DMD: variants seen among roughly 807,000 people sequenced by gnomAD.
The protein encoded by DMD is mutant dystrophin.
A neutral mutation model predicts 330.1 loss-of-function variants in DMD; 63 were observed. The observed-to-expected ratio is 0.19, with a 90% CI of 0.16 to 0.24. The LOEUF (loss-of-function observed/expected upper bound fraction) is 0.24. DMD is among the 10% of genes least tolerant of loss of function. The pLI, the probability that DMD is intolerant of heterozygous loss-of-function variation, is 1.00. For missense variants in DMD, 3,344 were observed against 2,684.1 expected, an observed-to-expected ratio of 1.25 and a Z score of -5.43; for synonymous variants, 1,223 against 959.8, an observed-to-expected ratio of 1.27 and a Z score of -5.07.
At chrX:32,448,869 T>C (rs1480121019) in intron 26 of DMD, among the ~76,000 whole-genome samples, 1 of 110,678 alleles carries the variant, frequency 9.0e-6, no homozygotes, top group Non-Finnish European at 1.9e-5. Context: ...AAGAATAGAC[T>C]GAAAAGTAGT....
At chrX:32,515,094 T>C (rs1218107429) in intron 18 of DMD, among the ~76,000 whole-genome samples, 1 of 111,199 alleles carries the variant, frequency 9.0e-6, no homozygotes, top group African/African-American at 3.3e-5. Context: ...GTAGTGGGGG[T>C]ACAAAAGAGG....
chrX:32,739,481 G>A (rs916592669), intron 7 of DMD, among the ~76,000 whole-genome samples: 3 of 111,977 alleles, frequency 2.7e-5, no homozygotes, highest in Non-Finnish European at 3.8e-5. Flanking sequence ...TTGGAAAGGT[G>A]TATACTACTA....
In DMD at chrX:32,343,295, G is replaced by A. The variant is rs2097753602; in HGVS notation, c.5587-9C>T. ...CTTTGAGACCTCAAATCCTGTTCAT[G>A]GTGCAGACATTATTAAAATATCAAT... On this transcript the variant is annotated splice_polypyrimidine_tract_variant and intron_variant, in intron 39 of 78. Coordinates refer to ENST00000357033, the MANE Select transcript of DMD (RefSeq NM_004006.3). The A allele has an allele frequency of 5.9e-6, 7 of 1,193,328 alleles. No individual in the cohort carries two copies. Among genetic ancestry groups the A allele is most frequent in the Non-Finnish European group, 7.9e-6 (7 of 880,845 alleles).
intron 37 of DMD, among the ~76,000 whole-genome samples, chrX:32,355,860 T>C (rs2097797225): frequency 9.0e-6 from 1 of 110,876 alleles, no homozygotes; most frequent in African/African-American, 3.3e-5. Flanking sequence ...TTCATGTTTT[T>C]ATAGAAAATT....
intron 60 of DMD, among the ~76,000 whole-genome samples, chrX:31,418,184 AG>A (rs1202696711): frequency 9.0e-6 from 1 of 111,368 alleles, no homozygotes; most frequent in Non-Finnish European, 1.9e-5. Context: ...AAGGCTAGGA[AG>A]TCTGATATCA....
intron 2 of DMD, among the ~76,000 whole-genome samples, chrX:32,985,747 A>G (rs2092827518): frequency 8.9e-6 from 1 of 111,923 alleles, no homozygotes; most frequent in Admixed American, 9.5e-5. Context: ...GCAGCTGCCA[A>G]CACCACAGTT....
intron 53 of DMD, among the ~76,000 whole-genome samples, chrX:31,677,015 A>G (rs1049360956): frequency 1.8e-5 from 2 of 111,034 alleles, no homozygotes; most frequent in African/African-American, 6.5e-5. Flanking sequence ...GTCAATCTCT[A>G]TAGATAGTGG....
At chrX:31,210,844 A>C (rs1444929618) in intron 64 of DMD, among the ~76,000 whole-genome samples, 1 of 112,670 alleles carries the variant, frequency 8.9e-6, no homozygotes, top group Non-Finnish European at 1.9e-5. Context: ...AAAAACAAAA[A>C]TAGTGGTTAA....
At position 32,844,865 on chromosome X, in the gene DMD, G is replaced by T; in HGVS notation, c.187-5C>A. 1 of 1,202,642 alleles carries T rather than the reference G, an allele frequency of 8.3e-7. No homozygotes were observed. The highest frequency in any genetic ancestry group is 1.1e-6 in the Non-Finnish European group (1 of 887,521). On this transcript the variant is annotated splice_polypyrimidine_tract_variant and splice_region_variant and intron_variant, in intron 3 of 78. Coordinates refer to ENST00000357033, the MANE Select transcript of DMD (RefSeq NM_004006.3). ...TGTGGATCCTTTTTCTTTTGGCTGA[G>T]AACAAAACAAAAGAGTGTTCACTGA...
rs765093067 is a variant in DMD, at chrX:32,476,049, T to A, written c.2804-3740A>T. 4.5e-5 allele frequency among the ~76,000 whole-genome samples: 5 copies of A among 111,237 alleles called. No individual in the cohort carries two copies. In the South Asian group the frequency reaches 1.9e-3, roughly 42 times the overall value. ...TTAGTTACAATGAAGCAAATGATTG[T>A]GTCTGAGATGTCATTTCAGCAAATG... On this transcript the variant is annotated intron_variant, in intron 21 of 78. Transcript: ENST00000357033.
intron 7 of DMD, among the ~76,000 whole-genome samples, chrX:32,747,446 A>T (rs917468965): frequency 9.1e-6 from 1 of 110,485 alleles, no homozygotes; most frequent in Non-Finnish European, 1.9e-5. Context: ...TGAGAGTGAG[A>T]CCTAGGGATC....
At chrX:31,341,551 G>A (rs745453158) in intron 61 of DMD, among the ~76,000 whole-genome samples, 2 of 111,521 alleles carry the variant, frequency 1.8e-5, no homozygotes, top group South Asian at 3.8e-4. Flanking sequence ...TTTAGGTTAT[G>A]TAAATCAACT....
At position 31,368,950 on chromosome X, in the gene DMD, G is replaced by T. The variant is rs148212691; in HGVS notation, c.9085-20316C>A. ...CATGAGCCACCATGCCCGGCCCGAG[G>T]TCCCTTCTTGATTCTGTGATGAGGT... On this transcript the variant is annotated intron_variant, in intron 60 of 78. Coordinates refer to ENST00000357033, the MANE Select transcript of DMD (RefSeq NM_004006.3). 2.0e-3 allele frequency among the ~76,000 whole-genome samples: 227 copies of T among 111,445 alleles called. 2 individuals are homozygous for T. Among genetic ancestry groups the T allele is most frequent in the African/African-American group, 7.1e-3 (219 of 30,642 alleles).
At chrX:32,958,343 C>G (rs947084993) in intron 2 of DMD, among the ~76,000 whole-genome samples, 4 of 111,447 alleles carry the variant, frequency 3.6e-5, no homozygotes, top group Non-Finnish European at 7.6e-5. Context: ...ATCACTATTG[C>G]ACATTTTATT....
intron 44 of DMD, among the ~76,000 whole-genome samples, chrX:31,981,927 T>C (rs1449844373): frequency 9.0e-6 from 1 of 111,728 alleles, no homozygotes; most frequent in African/African-American, 3.3e-5. Flanking sequence ...GATGGGCAAA[T>C]GTCATCTCGA....
intron 44 of DMD, among the ~76,000 whole-genome samples, chrX:32,115,551 C>T (rs1434119192): frequency 9.0e-6 from 1 of 111,386 alleles, no homozygotes; most frequent in Middle Eastern, 4.6e-3. Flanking sequence ...CCAACTCTTA[C>T]GTTATTATTC....
At chrX:32,887,759 A>AC (rs2084776194) in intron 2 of DMD, among the ~76,000 whole-genome samples, 1 of 100,277 alleles carries the variant, frequency 1.0e-5, no homozygotes, top group Non-Finnish European at 2.0e-5. Context: ...AAAAAAAAAA[A>AC]AAAAAAAAAA....
chrX:32,754,546 TAA>T (rs57307334), intron 7 of DMD, among the ~76,000 whole-genome samples: 3,856 of 102,147 alleles, frequency 0.038, 125 homozygotes, highest in African/African-American at 0.098. Context: ...AATAAACCAT[TAA>T]AAAAAAAAAA....
chrX:33,315,774 A>C (rs2053923733), intron 1 of DMD, among the ~76,000 whole-genome samples: 1 of 112,109 alleles, frequency 8.9e-6, no homozygotes. Context: ...CATATAAGGC[A>C]ACATATTCAT....
Sources: allele counts gnomAD v4.1 joint callset (sites outside exome capture counted in the v4.1 genomes callset), GRCh38; gene constraint gnomAD v4.1.1; transcripts MANE v1.5; gene names NCBI Gene and HGNC (gene_info 2026-07-23, HGNC 2026-07-21).